The following CDKAL1 variants were observed in gnomAD, a reference collection of about 807,000 sequenced individuals.
CDKAL1 encodes the protein threonylcarbamoyladenosine tRNA methylthiotransferase.
Under a neutral mutation model 68.2 loss-of-function variants are expected in CDKAL1, and 32 were observed. The ratio of observed to expected loss-of-function variants is 0.47; its 90% CI spans 0.35 to 0.63. CDKAL1 has a LOEUF of 0.63. Among genes scored for constraint, CDKAL1 ranks in the 30% least tolerant of loss-of-function variants. CDKAL1 has a pLI of 0.00. For synonymous variants in CDKAL1, 234 were observed against 244.3 expected (o/e 0.96, Z 0.39); for missense variants, 606 against 696.7 (o/e 0.87, Z 1.47).
intron 5 of CDKAL1, among the ~76,000 whole-genome samples, chr6:20,696,720 C>T (rs950014507): frequency 1.3e-5 from 2 of 152,102 alleles, no homozygotes; most frequent in Non-Finnish European, 2.9e-5. Context: ...AGAATCACAG[C>T]TTGTAATTAT....
At chr6:20,581,799 A>G (rs947464468) in intron 4 of CDKAL1, among the ~76,000 whole-genome samples, 4 of 152,174 alleles carry the variant, frequency 2.6e-5, no homozygotes, top group Non-Finnish European at 1.5e-5. Flanking sequence ...TTCCTTTGCA[A>G]TGAATCAATA....
intron 4 of CDKAL1, among the ~76,000 whole-genome samples, chr6:20,614,494 A>G (rs1003313880): frequency 5.9e-5 from 9 of 152,296 alleles, no homozygotes; most frequent in African/African-American, 2.2e-4. Context: ...GAATGCATCT[A>G]CCAAAAGCTA....
intron 11 of CDKAL1, among the ~76,000 whole-genome samples, chr6:21,000,911 AC>A (rs1767394457): frequency 6.6e-6 from 1 of 152,256 alleles, no homozygotes; most frequent in Non-Finnish European, 1.5e-5. Flanking sequence ...ATTGCTATTG[AC>A]CAAAATTAAG....
intron 4 of CDKAL1, among the ~76,000 whole-genome samples, chr6:20,622,206 C>T (rs946441770): frequency 1.3e-5 from 2 of 152,070 alleles, no homozygotes; most frequent in South Asian, 4.1e-4. Flanking sequence ...TATTCACTCT[C>T]AGTTGTGTCG....
chr6:21,121,276 G>A (rs772373332), intron 13 of CDKAL1, among the ~76,000 whole-genome samples: 4 of 152,098 alleles, frequency 2.6e-5, no homozygotes, highest in East Asian at 1.9e-4. Flanking sequence ...TAAAATCCAC[G>A]TTTTAGAATT....
chr6:21,062,029 CT>C (rs1771163403), intron 11 of CDKAL1, among the ~76,000 whole-genome samples: 1 of 152,176 alleles, frequency 6.6e-6, no homozygotes, highest in South Asian at 2.1e-4. Context: ...ACTATGACTT[CT>C]TTAAAGGTTT....
chr6:21,100,062 T>C (rs1773507094), intron 12 of CDKAL1, among the ~76,000 whole-genome samples: 1 of 143,224 alleles, frequency 7.0e-6, no homozygotes, highest in Admixed American at 7.0e-5. Context: ...CTTCAGCATT[T>C]GTTGCCTAAA....
intron 15 of CDKAL1, among the ~76,000 whole-genome samples, chr6:21,228,084 G>T (rs777512172): frequency 2.0e-5 from 3 of 152,172 alleles, no homozygotes; most frequent in Admixed American, 6.5e-5. Context: ...CAGAACCAAG[G>T]TCAAGCATTC....
chr6:20,912,282 A>G (rs1762500863), intron 9 of CDKAL1, among the ~76,000 whole-genome samples: 1 of 152,176 alleles, frequency 6.6e-6, no homozygotes, highest in Non-Finnish European at 1.5e-5. Flanking sequence ...AACTGGAGTT[A>G]AACTTGACTT....
At chr6:20,859,286 T>TA (rs1203898999) in intron 9 of CDKAL1, among the ~76,000 whole-genome samples, 1 of 149,618 alleles carries the variant, frequency 6.7e-6, no homozygotes, top group Non-Finnish European at 1.5e-5. Context: ...TCAGAAAAAA[T>TA]AAAAAACTTA....
chr6:20,665,226 G>A (rs11967127), intron 5 of CDKAL1, among the ~76,000 whole-genome samples: 1,593 of 152,086 alleles, frequency 0.01, 37 homozygotes, highest in African/African-American at 0.035. Context: ...GTTTTGCAAC[G>A]TACCCTTTAT....
At chr6:20,572,493 G>A (rs756499006) in intron 4 of CDKAL1, among the ~76,000 whole-genome samples, 1 of 152,166 alleles carries the variant, frequency 6.6e-6, no homozygotes, top group Non-Finnish European at 1.5e-5. Flanking sequence ...GTAAATTAAT[G>A]TTTAAAACCC....
In CDKAL1 at chr6:20,643,581, T is replaced by C. The variant is rs2127753884; in HGVS notation, c.287-5712T>C. Among the ~76,000 whole-genome samples, 2 of 152,336 alleles carry C rather than the reference T, an allele frequency of 1.3e-5. 1 individual carries two copies. The highest frequency in any genetic ancestry group is 4.1e-4 in the South Asian group (2 of 4,830). On this transcript the variant is annotated intron_variant, in intron 4 of 15. Coordinates refer to ENST00000274695, the MANE Select transcript of CDKAL1 (RefSeq NM_017774.3). ...GGGGTAAGCCATGTGGAATCACCAT[T>C]ATTTATTGGCAAATAGCCATAGACA... is the stretch of plus-strand genomic sequence containing the variant.
chr6:20,784,446 C>CA (rs1299494732), intron 8 of CDKAL1, among the ~76,000 whole-genome samples: 1 of 3,320 alleles, frequency 3.0e-4, no homozygotes, highest in Non-Finnish European at 1.2e-3. Context: ...TTTTTTGAGA[C>CA]AGAGTCTCAC....
At chr6:21,212,085 G>A (rs1779173383) in intron 15 of CDKAL1, among the ~76,000 whole-genome samples, 1 of 152,160 alleles carries the variant, frequency 6.6e-6, no homozygotes. Context: ...TTTTGGGCAT[G>A]AGCATAGTAT....
intron 5 of CDKAL1, among the ~76,000 whole-genome samples, chr6:20,718,614 C>T (rs1772201128): frequency 6.6e-6 from 1 of 152,182 alleles, no homozygotes; most frequent in Non-Finnish European, 1.5e-5. Context: ...AAACCACAAG[C>T]TTCCCTCTTA....
At chr6:21,031,752 A>C (rs1769301876) in intron 11 of CDKAL1, among the ~76,000 whole-genome samples, 1 of 152,044 alleles carries the variant, frequency 6.6e-6, no homozygotes, top group African/African-American at 2.4e-5. Context: ...GTGTGCTTTT[A>C]GCCCCATAAC....
At chr6:21,142,021 A>G (rs1195707050) in intron 13 of CDKAL1, among the ~76,000 whole-genome samples, 5 of 152,070 alleles carry the variant, frequency 3.3e-5, no homozygotes, top group Non-Finnish European at 7.4e-5. Context: ...TTCCTGGTGG[A>G]TCCAAAATTT....
chr6:20,871,992 A>G (rs1459630345), intron 9 of CDKAL1, among the ~76,000 whole-genome samples: 1 of 152,130 alleles, frequency 6.6e-6, no homozygotes. Flanking sequence ...TAGATGGCCA[A>G]ACTAAAATCT....
Sources: gnomAD v4.1 joint callset for allele counts (sites outside exome capture counted in the v4.1 genomes callset) on GRCh38, gnomAD v4.1.1 for gene constraint, MANE v1.5 for transcripts, NCBI Gene and HGNC (gene_info 2026-07-23, HGNC 2026-07-21) for gene names.